Variants in HEMK2 observed in about 807,000 individuals in gnomAD.
HEMK2 encodes the protein methyltransferase HEMK2.
At chr21:28,882,396 A>G in the HEMK2 span, 5 of 563,498 alleles carry the variant, frequency 8.9e-6, no homozygotes, top group East Asian at 1.3e-4. Context: ...GGCAAAGAAA[A>G]AGAGAACAAG....
the HEMK2 span, among the ~76,000 whole-genome samples, chr21:28,773,435 CAG>C: frequency 1.3e-5 from 2 of 152,134 alleles, no homozygotes; most frequent in Admixed American, 1.3e-4. Flanking sequence ...AGTAAAGACA[CAG>C]AACTGACTTC....
the HEMK2 span, among the ~76,000 whole-genome samples, chr21:28,863,301 C>T: frequency 1.3e-5 from 2 of 150,876 alleles, no homozygotes; most frequent in Admixed American, 1.3e-4. Flanking sequence ...CGCGGGACTC[C>T]TAGTTCCTCA....
At chr21:28,693,254 G>T in the HEMK2 span, among the ~76,000 whole-genome samples, 3 of 152,114 alleles carry the variant, frequency 2.0e-5, no homozygotes, top group Non-Finnish European at 4.4e-5. Context: ...CTATACAGAT[G>T]AGAACAGGAG....
chr21:28,691,254 G>GTA, the HEMK2 span, among the ~76,000 whole-genome samples: 84,447 of 151,880 alleles, frequency 0.56, 26,120 homozygotes, highest in East Asian at 0.84. Flanking sequence ...TATGAGAGAG[G>GTA]GACTGAACGC....
chr21:28,629,566 A>C, the HEMK2 span, among the ~76,000 whole-genome samples: 15 of 152,364 alleles, frequency 9.8e-5, no homozygotes, highest in East Asian at 2.1e-3. Flanking sequence ...AGCAGCTAGA[A>C]GAGTGGACCG....
chr21:28,671,170 T>C, the HEMK2 span: 1 of 152,220 alleles, frequency 6.6e-6, no homozygotes, highest in Non-Finnish European at 1.5e-5. Context: ...GCTTTGGATC[T>C]TGCCTGTGAT....
the HEMK2 span, among the ~76,000 whole-genome samples, chr21:28,696,404 TC>T: frequency 3.9e-5 from 6 of 152,214 alleles, no homozygotes; most frequent in Non-Finnish European, 5.9e-5. Flanking sequence ...ACCTTAAAGT[TC>T]CAAAATAATC....
At chr21:28,653,038 G>A in the HEMK2 span, among the ~76,000 whole-genome samples, 1 of 152,048 alleles carries the variant, frequency 6.6e-6, no homozygotes, top group Non-Finnish European at 1.5e-5. Context: ...TAATTTGCAT[G>A]TAATTGAAAG....
At chr21:28,648,496 G>A in the HEMK2 span, among the ~76,000 whole-genome samples, 1 of 152,144 alleles carries the variant, frequency 6.6e-6, no homozygotes, top group Non-Finnish European at 1.5e-5. Flanking sequence ...TGCATCTCTA[G>A]CACTAAACTT....
chr21:28,648,388 G>A, the HEMK2 span, among the ~76,000 whole-genome samples: 2 of 152,190 alleles, frequency 1.3e-5, no homozygotes, highest in African/African-American at 2.4e-5. Flanking sequence ...TTTTATCCTG[G>A]CAATAGAGCT....
the HEMK2 span, among the ~76,000 whole-genome samples, chr21:28,841,416 T>A: frequency 2.0e-4 from 7 of 34,432 alleles, no homozygotes; most frequent in African/African-American, 9.2e-4. Flanking sequence ...ATATATATAT[T>A]ATATATATAA....
the HEMK2 span, among the ~76,000 whole-genome samples, chr21:28,864,856 TA>T: frequency 1.6e-3 from 216 of 136,628 alleles, 3 homozygotes; most frequent in African/African-American, 5.2e-3. Flanking sequence ...GATAGATAGA[TA>T]GATAGATAGA....
chr21:28,689,925 T>C, the HEMK2 span, among the ~76,000 whole-genome samples: 1 of 152,124 alleles, frequency 6.6e-6, no homozygotes, highest in Admixed American at 6.6e-5. Flanking sequence ...TATTAGTTCA[T>C]TTACACACGG....
At chr21:28,768,588 G>A in the HEMK2 span, among the ~76,000 whole-genome samples, 63,867 of 151,724 alleles carry the variant, frequency 0.42, 14,420 homozygotes, top group African/African-American at 0.57. Context: ...ACCCACTCCT[G>A]GATAGGGAAC....
At chr21:28,650,442 AT>A in the HEMK2 span, among the ~76,000 whole-genome samples, 23 of 152,178 alleles carry the variant, frequency 1.5e-4, no homozygotes, top group African/African-American at 5.5e-4. Context: ...CAGAATCAGC[AT>A]AGTGGTATTG....
the HEMK2 span, among the ~76,000 whole-genome samples, chr21:28,638,745 C>A: frequency 2.0e-5 from 3 of 152,126 alleles, no homozygotes; most frequent in Non-Finnish European, 2.9e-5. Flanking sequence ...GCTGGCCTCA[C>A]GTACATGGTG....
At chr21:28,755,530 T>A in the HEMK2 span, among the ~76,000 whole-genome samples, 1,658 of 152,332 alleles carry the variant, frequency 0.011, 25 homozygotes, top group African/African-American at 0.037. Context: ...AGAGGTGTGA[T>A]GTCTATCTTC....
chr21:28,802,095 T>A, the HEMK2 span, among the ~76,000 whole-genome samples: 2 of 152,200 alleles, frequency 1.3e-5, no homozygotes, highest in African/African-American at 4.8e-5. Flanking sequence ...GCCTTGTTTA[T>A]AACAGCAAAA....
the HEMK2 span, among the ~76,000 whole-genome samples, chr21:28,729,136 A>T: frequency 6.6e-6 from 1 of 152,226 alleles, no homozygotes. Context: ...ATAATCTTCT[A>T]GGTTTCTCTG....
Sources: allele counts gnomAD v4.1 joint callset (sites outside exome capture counted in the v4.1 genomes callset), GRCh38; gene constraint gnomAD v4.1.1; transcripts MANE v1.5; gene names NCBI Gene and HGNC (gene_info 2026-07-23, HGNC 2026-07-21).